FAR2: variants seen among roughly 807,000 people sequenced by gnomAD.
FAR2 encodes epididymis secretory protein Li 81.
Under a neutral mutation model 56.0 loss-of-function variants are expected in FAR2, and 19 were observed. The observed-to-expected ratio is 0.34, with a 90% CI of 0.24 to 0.50. FAR2 has a LOEUF of 0.50. Among genes scored for constraint, FAR2 ranks in the 20% least tolerant of loss-of-function variants. The pLI, the probability that FAR2 is intolerant of heterozygous loss-of-function variation, is 0.98. For missense variants in FAR2, 508 were observed against 642.2 expected, an observed-to-expected ratio of 0.79 and a Z score of 2.26; for synonymous variants, 219 against 218.8, an observed-to-expected ratio of 1.00 and a Z score of -0.01.
intron 9 of FAR2, among the ~76,000 whole-genome samples, chr12:29,320,565 A>G (rs932436574): frequency 1.3e-5 from 2 of 152,238 alleles, no homozygotes; most frequent in African/African-American, 4.8e-5. Context: ...CATCATAATT[A>G]CTGAGCCAAC....
chr12:29,295,668 T>C (rs1949054036), intron 3 of FAR2, among the ~76,000 whole-genome samples: 1 of 151,990 alleles, frequency 6.6e-6, no homozygotes. Context: ...ATGAATTTGA[T>C]ATATTTTAAA....
At chr12:29,249,428 C>T (rs1199850036) in intron 1 of FAR2, among the ~76,000 whole-genome samples, 1 of 152,144 alleles carries the variant, frequency 6.6e-6, no homozygotes, top group Non-Finnish European at 1.5e-5. Flanking sequence ...CATTAAATAG[C>T]CATTTGTTTC....
intron 8 of FAR2, among the ~76,000 whole-genome samples, chr12:29,312,271 C>G (rs928066006): frequency 6.6e-6 from 1 of 152,158 alleles, no homozygotes; most frequent in Non-Finnish European, 1.5e-5. Context: ...ATACTCCTCC[C>G]TGTTGGAGCA....
intron 3 of FAR2, among the ~76,000 whole-genome samples, chr12:29,295,766 T>TTC (rs1481739139): frequency 7.3e-6 from 1 of 137,824 alleles, no homozygotes; most frequent in Non-Finnish European, 1.6e-5. Flanking sequence ...ATTTTTTTTT[T>TTC]TTTTTTTTTT....
chr12:29,174,898 G>T (rs996530311), intron 1 of FAR2, among the ~76,000 whole-genome samples: 8 of 152,210 alleles, frequency 5.3e-5, no homozygotes, highest in Non-Finnish European at 8.8e-5. Flanking sequence ...CCAACTTGTT[G>T]TTGGGACCCC....
chr12:29,288,355 A>T (rs1948908013), intron 2 of FAR2, among the ~76,000 whole-genome samples: 1 of 152,164 alleles, frequency 6.6e-6, no homozygotes, highest in Admixed American at 6.6e-5. Flanking sequence ...TCAAGTAGAG[A>T]ATATGAGTTT....
intron 1 of FAR2, among the ~76,000 whole-genome samples, chr12:29,225,780 C>A (rs1275259260): frequency 6.6e-6 from 1 of 152,238 alleles, no homozygotes; most frequent in Admixed American, 6.5e-5. Flanking sequence ...CATTAGTGCA[C>A]CTTCACAAAG....
Position 29,297,042 on chromosome 12 carries a change from C to A in FAR2, c.387C>A (p.Val129=), listed in dbSNP as rs373251231. 1.2e-5 allele frequency: 19 copies of A among 1,608,102 alleles called. No individual in the cohort carries two copies. The African/African-American group carries it at 2.3e-4, about 19-fold the overall frequency. The change falls in exon 4 of 12, where the codon GTC becomes GTA. Residue 129 remains valine, a synonymous_variant. Transcript: ENST00000536681. The part of the protein sequence containing the change: ...DTLRHAVQLN[V]TATRQLLLMA... Reference sequence around the variant, plus strand: ...CTAGACATGCTGTGCAACTTAACGTCACTGCCACCCGGCAGCTCTTGCTTA... The same window carrying A: ...CTAGACATGCTGTGCAACTTAACGTAACTGCCACCCGGCAGCTCTTGCTTA...
intron 1 of FAR2, among the ~76,000 whole-genome samples, chr12:29,261,075 G>A (rs1052429088): frequency 3.9e-5 from 6 of 152,148 alleles, no homozygotes; most frequent in Admixed American, 3.9e-4. Flanking sequence ...ATAAATACCT[G>A]ATGCTTAAAC....
At chr12:29,296,792 T>C (rs144091296) in intron 3 of FAR2, among the ~76,000 whole-genome samples, 155 of 152,368 alleles carry the variant, frequency 1.0e-3, no homozygotes, top group African/African-American at 3.5e-3. Flanking sequence ...TCTAGATATA[T>C]GTACAGTGTG....
intron 1 of FAR2, among the ~76,000 whole-genome samples, chr12:29,255,180 G>C (rs564819723): frequency 3.3e-5 from 5 of 152,124 alleles, no homozygotes; most frequent in Non-Finnish European, 7.4e-5. Context: ...TCAAGATCAA[G>C]GTGGTGATAA....
intron 10 of FAR2, chr12:29,331,854 A>G (rs1050299679): frequency 3.3e-5 from 5 of 152,180 alleles, no homozygotes; most frequent in African/African-American, 1.2e-4. Context: ...CAGCTTTTCC[A>G]TAACAAACCA....
At chr12:29,169,411 G>A (rs1160318971) in intron 1 of FAR2, among the ~76,000 whole-genome samples, 4 of 152,148 alleles carry the variant, frequency 2.6e-5, no homozygotes, top group African/African-American at 9.7e-5. Context: ...TGATCCTAGA[G>A]GAAACAAATT....
intron 1 of FAR2, among the ~76,000 whole-genome samples, chr12:29,176,573 G>T (rs1165513061): frequency 1.3e-5 from 2 of 152,162 alleles, no homozygotes; most frequent in Non-Finnish European, 2.9e-5. Flanking sequence ...AAGGAAATAA[G>T]AATGATAGCT....
intron 1 of FAR2, among the ~76,000 whole-genome samples, chr12:29,262,370 C>A (rs1948435066): frequency 6.6e-6 from 1 of 152,138 alleles, no homozygotes; most frequent in Non-Finnish European, 1.5e-5. Flanking sequence ...GTGGCTCATG[C>A]CTGTAATCCC....
At chr12:29,154,107 A>G (rs896785559) in intron 1 of FAR2, among the ~76,000 whole-genome samples, 4 of 152,220 alleles carry the variant, frequency 2.6e-5, no homozygotes, top group Non-Finnish European at 5.9e-5. Context: ...AGCATGACAG[A>G]TATAGCTCCT....
At chr12:29,285,995 T>G (rs1948868894) in intron 2 of FAR2, among the ~76,000 whole-genome samples, 1 of 151,956 alleles carries the variant, frequency 6.6e-6, no homozygotes, top group Non-Finnish European at 1.5e-5. Flanking sequence ...TTGGCATACA[T>G]TTTGTTCTTA....
intron 1 of FAR2, among the ~76,000 whole-genome samples, chr12:29,165,642 A>G (rs1949819363): frequency 1.3e-5 from 2 of 152,178 alleles, no homozygotes; most frequent in East Asian, 1.9e-4. Context: ...TTGCCTGAAA[A>G]TCAATGAAAA....
intron 10 of FAR2, among the ~76,000 whole-genome samples, chr12:29,323,567 G>A (rs1272500879): frequency 1.3e-5 from 2 of 152,178 alleles, no homozygotes; most frequent in Non-Finnish European, 2.9e-5. Context: ...GGAATGATCA[G>A]GCAGCAGAAT....
Sources: allele counts gnomAD v4.1 joint callset (sites outside exome capture counted in the v4.1 genomes callset), GRCh38; gene constraint gnomAD v4.1.1; transcripts MANE v1.5; gene names NCBI Gene and HGNC (gene_info 2026-07-23, HGNC 2026-07-21).